The following LIPJ variants were observed in gnomAD, a reference collection of about 807,000 sequenced individuals.
LIPJ encodes the protein lipase member J.
In LIPJ, 33 loss-of-function variants were observed where a neutral mutation model predicts 39.8. The ratio of observed to expected loss-of-function variants is 0.83; its 90% CI spans 0.63 to 1.11. The LOEUF (loss-of-function observed/expected upper bound fraction) is 1.11. Ranked by LOEUF, LIPJ falls within the 50% of genes least tolerant of loss-of-function variation. The pLI, the probability that LIPJ is intolerant of heterozygous loss-of-function variation, is 0.00. For synonymous variants in LIPJ, 128 were observed against 139.2 expected (o/e 0.92, Z 0.57); for missense variants, 422 against 427.9 (o/e 0.99, Z 0.12).
chr10:88,621,508 T>C, the LIPJ span, among the ~76,000 whole-genome samples: 1 of 152,192 alleles, frequency 6.6e-6, no homozygotes, highest in South Asian at 2.1e-4. Flanking sequence ...AGGCTAGAGA[T>C]AAGAAGAGAT....
chr10:88,617,059 G>A, the LIPJ span, among the ~76,000 whole-genome samples: 236 of 152,184 alleles, frequency 1.6e-3, 1 homozygote, highest in African/African-American at 5.2e-3. Flanking sequence ...TTGTAAAGAA[G>A]AAACCTAAAA....
At chr10:88,603,802 T>G (rs911614703) in intron 9 of LIPJ, among the ~76,000 whole-genome samples, 2 of 152,244 alleles carry the variant, frequency 1.3e-5, no homozygotes, top group Admixed American at 1.3e-4. Flanking sequence ...AGTTTAAATC[T>G]ATAATGTAAT....
downstream of LIPJ, among the ~76,000 whole-genome samples, chr10:88,611,713 A>G (rs947951677): frequency 1.3e-5 from 2 of 152,198 alleles, no homozygotes; most frequent in Non-Finnish European, 2.9e-5. Context: ...TCCATACAAG[A>G]CAAAGAAAAA....
intron 6 of LIPJ, among the ~76,000 whole-genome samples, chr10:88,595,757 C>T (rs759753610): frequency 6.6e-6 from 1 of 151,358 alleles, no homozygotes; most frequent in Admixed American, 6.6e-5. Context: ...AAGTAGATAG[C>T]TTGATAAGAT....
the LIPJ span, among the ~76,000 whole-genome samples, chr10:88,619,881 A>G: frequency 7.7e-4 from 117 of 152,206 alleles, 1 homozygote; most frequent in African/African-American, 2.7e-3. Context: ...AGCACGATCT[A>G]TGAAAGAAAA....
In LIPJ at chr10:88,587,410, T is replaced by C. The variant is rs1003334619; in HGVS notation, c.-104+18T>C. ...GCAGAGAGGTATGATATAATACTTT[T>C]CATTGTTGTGTGTTGTACCTAGAGT... On this transcript the variant is annotated intron_variant, in intron 2 of 10. Coordinates refer to ENST00000371939, the Ensembl canonical transcript of LIPJ. 6.6e-6 allele frequency: 1 copy of C among 152,148 alleles called. No individual in the cohort carries two copies. Among genetic ancestry groups the C allele is most frequent in the Non-Finnish European group, 1.5e-5 (1 of 67,972 alleles). 9.4% of individuals were successfully genotyped at this position (152,148 alleles called of 1,614,324 possible).
chr10:88,604,464 A>G (rs761943235), intron 9 of LIPJ, among the ~76,000 whole-genome samples: 1 of 152,214 alleles, frequency 6.6e-6, no homozygotes. Flanking sequence ...AATTACTGCA[A>G]TCATCCAAAT....
intron 4 of LIPJ, chr10:88,592,158 T>G (rs1851101906): frequency 1.3e-5 from 2 of 151,972 alleles, no homozygotes; most frequent in Admixed American, 1.3e-4. Context: ...GAATGTTTCT[T>G]ATATTATAGG....
intron 8 of LIPJ, among the ~76,000 whole-genome samples, chr10:88,599,622 G>A (rs1819793189): frequency 6.6e-6 from 1 of 150,972 alleles, no homozygotes. Flanking sequence ...TTCTATGGTT[G>A]ATTAATATTC....
At chr10:88,583,347 G>A, upstream of LIPJ, 2 of 1,406,798 alleles carry the variant, frequency 1.4e-6, no homozygotes, top group Non-Finnish European at 9.2e-7. Flanking sequence ...CCTGCAGGGG[G>A]CGGAAAGGAG....
chr10:88,590,487 G>A (rs41296133), intron 2 of LIPJ, 98 bp from the exon 3 acceptor site: 9,013 of 464,378 alleles, frequency 0.019, 146 homozygotes, highest in Middle Eastern at 0.032. Context: ...CCTGAAAACA[G>A]TAATATTTCC....
At chr10:88,615,445 T>A in the LIPJ span, among the ~76,000 whole-genome samples, 3 of 150,802 alleles carry the variant, frequency 2.0e-5, no homozygotes, top group African/African-American at 7.3e-5. Flanking sequence ...CCCAGCTACT[T>A]GGGAGGGTGG....
At chr10:88,595,328 T>C (rs1353674470) in intron 6 of LIPJ, among the ~76,000 whole-genome samples, 2 of 151,682 alleles carry the variant, frequency 1.3e-5, no homozygotes, top group Non-Finnish European at 3.0e-5. Context: ...CTAACATAAT[T>C]CTCTTGCATG....
intron 8 of LIPJ, 42 bp from the exon 9 acceptor site, chr10:88,602,534 A>G (rs1851525880): frequency 7.1e-7 from 1 of 1,407,384 alleles, no homozygotes; most frequent in Non-Finnish European, 9.7e-7. Flanking sequence ...TCTATGATTC[A>G]ACTTATATAA....
chr10:88,592,128 A>G (rs1851100858), intron 4 of LIPJ: 1 of 151,942 alleles, frequency 6.6e-6, no homozygotes, highest in Admixed American at 6.6e-5. Context: ...TTCAGAAGGA[A>G]ACAGGATGTG....
At chr10:88,591,552 T>A in intron 4 of LIPJ, 54 bp downstream of exon 4, 2 of 1,478,986 alleles carry the variant, frequency 1.4e-6, no homozygotes, top group Non-Finnish European at 1.8e-6. Flanking sequence ...AAGTTCTTAA[T>A]TGCTCCAATT....
chr10:88,606,980 G>A (rs1260451372), downstream of LIPJ: 40 of 1,349,742 alleles, frequency 3.0e-5, no homozygotes, highest in Non-Finnish European at 3.4e-5. Context: ...TTTTTTACCT[G>A]TGTATGTTCT....
downstream of LIPJ, among the ~76,000 whole-genome samples, chr10:88,611,465 T>G (rs1181950342): frequency 6.6e-6 from 1 of 152,144 alleles, no homozygotes; most frequent in Non-Finnish European, 1.5e-5. Context: ...ATTAAGCTAA[T>G]TAAGGAGGAA....
the LIPJ span, chr10:88,618,148 T>A: frequency 1.4e-5 from 2 of 145,938 alleles, no homozygotes; most frequent in Non-Finnish European, 3.0e-5. Context: ...CAAGCTGGTA[T>A]TTTTTTTTCA....
Sources: allele counts gnomAD v4.1 joint callset (sites outside exome capture counted in the v4.1 genomes callset), GRCh38; gene constraint gnomAD v4.1.1; transcripts MANE v1.5; gene names NCBI Gene and HGNC (gene_info 2026-07-23, HGNC 2026-07-21).